ZDHHC16: variants seen among roughly 807,000 people sequenced by gnomAD.
ZDHHC16 encodes zDHHC palmitoyltransferase 16, also known as palmitoyltransferase ZDHHC16.
Under a neutral mutation model 54.4 loss-of-function variants are expected in ZDHHC16, and 33 were observed. The ratio of observed to expected loss-of-function variants is 0.61; its 90% CI spans 0.46 to 0.81. ZDHHC16 has a LOEUF of 0.81. Among genes scored for constraint, ZDHHC16 ranks in the 30% least tolerant of loss-of-function variants. The probability of loss-of-function intolerance (pLI) is 0.00; values close to 1 mark genes in which losing one functional copy is unlikely to be tolerated. For missense variants in ZDHHC16, 420 were observed against 485.9 expected, an observed-to-expected ratio of 0.86 and a Z score of 1.28; for synonymous variants, 185 against 182.1, an observed-to-expected ratio of 1.02 and a Z score of -0.13.
intron 1 of ZDHHC16, among the ~76,000 whole-genome samples, chr10:97,447,209 C>T: frequency 6.6e-6 from 1 of 152,204 alleles, no homozygotes; most frequent in Non-Finnish European, 1.5e-5. Context: ...GGGAGGTCTG[C>T]ACATGAATAA....
chr10:97,447,385 T>C (rs1320003304), intron 1 of ZDHHC16, among the ~76,000 whole-genome samples: 1 of 152,132 alleles, frequency 6.6e-6, no homozygotes, highest in Non-Finnish European at 1.5e-5. Context: ...GACTTTCCCA[T>C]TGGGAAACAG....
chr10:97,454,726 A>C lies in ZDHHC16; in HGVS notation c.751A>C (p.Thr251Pro). ...QAVANQTYHQ[T>P]PPPTFSFRER... is the part of the protein sequence containing the mutation. ...TTTCTTTTTCTAGACTTATCACCAG[A>C]CCCCACCACCCACCTTCTCCTTTCG... is the stretch of plus-strand genomic sequence containing the variant. The change falls in exon 9 of 12, where the codon ACC becomes CCC. Residue 251 changes from threonine to proline, a missense_variant. Thr to Pro is a conservative substitution (Grantham distance 38, BLOSUM62 -1). Coordinates refer to ENST00000393760, the MANE Select transcript of ZDHHC16 (RefSeq NM_198046.3). The C allele has an allele frequency of 6.2e-7, 1 of 1,613,818 alleles. No homozygotes were observed. The highest frequency in any genetic ancestry group is 8.5e-7 in the Non-Finnish European group (1 of 1,179,950).
Position 97,446,194 on chromosome 10 carries a change from C to CG in ZDHHC16, c.-343dup. ...GCGCGTGTGGTTGAGGATGGGCTGG[C>CG]GGCGGGTCCGGGTCCGCTGCCTGGC... On this transcript the variant is annotated 5_prime_UTR_variant, in exon 1 of 12. The change abolishes the stop of an existing upstream ORF in the 5' untranslated region. Transcript: ENST00000393760. The CG allele has an allele frequency of 1.4e-6, 1 of 710,278 alleles. No individual in the cohort carries two copies. The highest frequency in any genetic ancestry group is 2.3e-6 in the Non-Finnish European group (1 of 428,102). 44.0% of individuals were successfully genotyped at this position (710,278 alleles called of 1,614,324 possible).
chr10:97,454,921 G>T, intron 9 of ZDHHC16, 122 bp downstream of exon 9: 1 of 810,610 alleles, frequency 1.2e-6, no homozygotes, highest in South Asian at 1.6e-5. Context: ...AACTTAGGTT[G>T]GCAGAGAGCC....
rs1207925436 is a variant in ZDHHC16, at chr10:97,446,300, G to A, written c.-239G>A. 1 of 491,130 alleles carries A rather than the reference G, an allele frequency of 2.0e-6. No individual in the cohort carries two copies. Among genetic ancestry groups the A allele is most frequent in the East Asian group, 3.9e-5 (1 of 25,874 alleles). 30.4% of individuals were successfully genotyped at this position (491,130 alleles called of 1,614,324 possible). ...GAGTCGGAGGGGGTGGCAGTGAGCG[G>A]CGGCAGAGGCTACGGGGCTCGGTTT... On this transcript the variant is annotated 5_prime_UTR_variant, in exon 1 of 12. Transcript: ENST00000393760.
chr10:97,451,773 G>T lies in ZDHHC16; in HGVS notation c.98G>T (p.Arg33Leu). The change falls in exon 3 of 12, where the codon CGG becomes CTG. Residue 33 changes from arginine (R) to leucine (L), a missense_variant. Arg to Leu is a moderately radical substitution (Grantham distance 102). Coordinates refer to ENST00000393760, the MANE Select transcript of ZDHHC16 (RefSeq NM_198046.3). ...AGGCGCCGCTGTCCACCTCTACTCC[G>T]GGGTCTAGTACAGCGCTGGCGCTAC... is the stretch of plus-strand genomic sequence containing the variant. The part of the protein sequence containing the change: ...GYRRRCPPLL[R>L]GLVQRWRYGK... The T allele has an allele frequency of 6.2e-7, 1 of 1,614,092 alleles. No individual in the cohort carries two copies. The highest frequency in any genetic ancestry group is 8.5e-7 in the Non-Finnish European group (1 of 1,180,034).
Position 97,452,283 on chromosome 10 carries a change from AG to A in ZDHHC16, c.438+1del. ...ACCACTCCGCCTGGGTACCCACCCC[AG>A]GTGGGTCCTCACAGGAGCACTGGGG... ...AITTPPGYPP[Q>X]GRNDIATVSI... is the part of the protein sequence containing the mutation. On this transcript the variant is annotated frameshift_variant and splice_region_variant, in exon 4 of 12. Transcript: ENST00000393760. LOFTEE classifies it high-confidence loss of function. 1 of 1,614,048 alleles carries A rather than the reference AG, an allele frequency of 6.2e-7. No homozygotes were observed. Among genetic ancestry groups the A allele is most frequent in the East Asian group, 2.2e-5 (1 of 44,866 alleles).
rs574441130 is a variant in ZDHHC16, at chr10:97,452,347, G to GA, written c.438+64dup. ...TATGGGAGCTGGTCCCAGGAGTGGG[G>GA]AGAGTATCTTGGTATAGTTTTGAGA... On this transcript the variant is annotated intron_variant, in intron 4 of 11. Coordinates refer to ENST00000393760, the MANE Select transcript of ZDHHC16 (RefSeq NM_198046.3). The GA allele has an allele frequency of 2.4e-5, 39 of 1,611,678 alleles. No homozygotes were observed. In the East Asian group the frequency reaches 6.9e-4, roughly 29 times the overall value.
At chr10:97,456,548 T>C in intron 11 of ZDHHC16, 1 of 411,884 alleles carries the variant, frequency 2.4e-6, no homozygotes, top group South Asian at 3.8e-5. Context: ...CCTATCACTG[T>C]GCTTACAGTG....
chr10:97,449,527 G>C (rs540237985), intron 1 of ZDHHC16, among the ~76,000 whole-genome samples: 1 of 152,044 alleles, frequency 6.6e-6, no homozygotes, highest in Non-Finnish European at 1.5e-5. Flanking sequence ...AAGTTTGAGC[G>C]TGAGCTTTTA....
chr10:97,452,438 C>A lies in ZDHHC16; in HGVS notation c.462C>A (p.Val154=). The change falls in exon 5 of 12, where the codon GTC becomes GTA. Residue 154 remains valine (V), a synonymous_variant. Coordinates refer to ENST00000393760, the MANE Select transcript of ZDHHC16 (RefSeq NM_198046.3). ...AGGGCAGGAATGATATCGCCACCGT[C>A]TCCATCTGTAAGAAGTGCATTTACC... ...PPQGRNDIAT[V]SICKKCIYPK... 1 of 1,614,190 alleles carries A rather than the reference C, an allele frequency of 6.2e-7. No homozygotes were observed. Among genetic ancestry groups the A allele is most frequent in the South Asian group, 1.1e-5 (1 of 91,084 alleles).
rs1326150743 is a variant in ZDHHC16 at position 97,455,649 on chromosome 10, T to C, written c.825-11T>C. 8 of 1,613,962 alleles carry C rather than the reference T, an allele frequency of 5.0e-6. No homozygotes were observed. Among genetic ancestry groups the C allele is most frequent in the East Asian group, 2.2e-5 (1 of 44,892 alleles). On this transcript the variant is annotated splice_polypyrimidine_tract_variant and intron_variant, in intron 9 of 11. Coordinates refer to ENST00000393760, the MANE Select transcript of ZDHHC16 (RefSeq NM_198046.3). ...TAAACTACCCACCAGTCTTCGCCCC[T>C]CTTTTCTTAGTTCTGTGGCACTTGC...
chr10:97,453,017 G>A (rs769471192), intron 6 of ZDHHC16, 94 bp downstream of exon 6: 15 of 1,529,318 alleles, frequency 9.8e-6, no homozygotes, highest in Non-Finnish European at 1.4e-5. Context: ...ACCGTGCAGA[G>A]AACACTGGAG....
At position 97,456,913 on chromosome 10, in the gene ZDHHC16, C is replaced by T; in HGVS notation, c.*22C>T. 6.4e-7 allele frequency: 1 copy of T among 1,563,582 alleles called. No homozygotes were observed. Among genetic ancestry groups the T allele is most frequent in the Non-Finnish European group, 8.7e-7 (1 of 1,146,430 alleles). On this transcript the variant is annotated 3_prime_UTR_variant, in exon 12 of 12. Transcript: ENST00000393760. ...GTGAGCTGGACTGTGTCAGCCACGA[C>T]TCGAGCACTCATTCTGCTCCCTATG...
Position 97,454,801 on chromosome 10 carries a change from T to C in ZDHHC16, c.824+2T>C. 1 of 1,613,856 alleles carries C rather than the reference T, an allele frequency of 6.2e-7. No individual in the cohort carries two copies. Among genetic ancestry groups the C allele is most frequent in the East Asian group, 2.2e-5 (1 of 44,882 alleles). ...TGTCTACCTCTGGTTCCTGTGCAGGTATTTGTTTTTGATAGTTTTAAGGGA... is the reference window on the plus strand; with the variant it reads ...TGTCTACCTCTGGTTCCTGTGCAGGCATTTGTTTTTGATAGTTTTAAGGGA... On this transcript the variant is annotated splice_donor_variant, in intron 9 of 11. Transcript: ENST00000393760. LOFTEE classifies it high-confidence loss of function.
In ZDHHC16 at chr10:97,452,352, T is replaced by G. The variant is rs1589505053; in HGVS notation, c.439-63T>G. On this transcript the variant is annotated intron_variant, in intron 4 of 11. Coordinates refer to ENST00000393760, the MANE Select transcript of ZDHHC16 (RefSeq NM_198046.3). ...GAGCTGGTCCCAGGAGTGGGGAGAG[T>G]ATCTTGGTATAGTTTTGAGAGACAG... is the stretch of plus-strand genomic sequence containing the variant. 3 of 1,609,720 alleles carry G rather than the reference T, an allele frequency of 1.9e-6. No individual in the cohort carries two copies. The South Asian group carries it at 3.3e-5, about 18-fold the overall frequency.
chr10:97,451,972 T>G, intron 3 of ZDHHC16, 54 bp downstream of exon 3: 1 of 1,590,648 alleles, frequency 6.3e-7, no homozygotes. Context: ...CAGAGGGACA[T>G]GTCTCTCACA....
chr10:97,454,270 C>T (rs1846953154), intron 8 of ZDHHC16, among the ~76,000 whole-genome samples: 1 of 152,188 alleles, frequency 6.6e-6, no homozygotes, highest in African/African-American at 2.4e-5. Flanking sequence ...ATCTGCTGAG[C>T]CCATCTTGAT....
At position 97,446,239 on chromosome 10, in the gene ZDHHC16, G is replaced by A; in HGVS notation, c.-300G>A. ...CCTGGCGCTGCGGGCGGCGGGCCATGGTGGTTTGGATTGAGCCGGGCCCGG... is the reference window on the plus strand; with the variant it reads ...CCTGGCGCTGCGGGCGGCGGGCCATAGTGGTTTGGATTGAGCCGGGCCCGG... On this transcript the variant is annotated 5_prime_UTR_variant, in exon 1 of 12. It removes an upstream start codon present in the reference 5' UTR. Coordinates refer to ENST00000393760, the MANE Select transcript of ZDHHC16 (RefSeq NM_198046.3). 1 of 601,912 alleles carries A rather than the reference G, an allele frequency of 1.7e-6. No homozygotes were observed. The highest frequency in any genetic ancestry group is 1.9e-5 in the South Asian group (1 of 51,604). The allele number at this position is 601,912 out of a possible 1,614,324, so 37.3% of individuals were successfully genotyped here. A position where few individuals can be genotyped will look rare whatever the true frequency, so the allele number is the denominator to read the frequency against.
Sources: allele counts gnomAD v4.1 joint callset (sites outside exome capture counted in the v4.1 genomes callset), GRCh38; gene constraint gnomAD v4.1.1; transcripts MANE v1.5; gene names NCBI Gene and HGNC (gene_info 2026-07-23, HGNC 2026-07-21).